BNIP2: variants seen among roughly 807,000 people sequenced by gnomAD.
BNIP2 encodes BCL2/adenovirus E1B 19 kDa protein-interacting protein 2.
In BNIP2, 36 loss-of-function variants were observed where a neutral mutation model predicts 43.4. The observed-to-expected ratio is 0.83, with a 90% CI of 0.64 to 1.10. BNIP2 has a LOEUF of 1.10. BNIP2 is among the 50% of genes least tolerant of loss of function. The pLI is 0.00. For missense variants in BNIP2, 417 were observed against 374.1 expected (o/e 1.11, Z -0.95); for synonymous variants, 146 against 121.0 (o/e 1.21, Z -1.35).
intron 7 of BNIP2, 141 bp from the exon 8 acceptor site, chr15:59,669,503 GAAAATGCACTCTT>G: frequency 1.8e-6 from 1 of 541,692 alleles, no homozygotes; most frequent in East Asian, 3.3e-5. Flanking sequence ...CTGTAGACAA[GAAAATGCACTCTT>G]AAATTCTTAT....
At chr15:59,669,904 C>A (rs1161848150) in intron 7 of BNIP2, among the ~76,000 whole-genome samples, 2 of 152,188 alleles carry the variant, frequency 1.3e-5, no homozygotes, top group African/African-American at 2.4e-5. Flanking sequence ...TTGTATTATG[C>A]ATATTTCACA....
chr15:59,678,376 A>T, intron 4 of BNIP2: 2 of 1,122,350 alleles, frequency 1.8e-6, no homozygotes, highest in South Asian at 4.8e-5. Flanking sequence ...AGAGTCATCA[A>T]AATCTTAGTA....
intron 7 of BNIP2, among the ~76,000 whole-genome samples, 171 bp downstream of exon 7, chr15:59,671,012 G>A (rs1892865591): frequency 6.6e-6 from 1 of 151,436 alleles, no homozygotes; most frequent in African/African-American, 2.4e-5. Flanking sequence ...GGTGGAGGTT[G>A]CGGTGAACCG....
Position 59,689,187 on chromosome 15 carries a change from G to A in BNIP2, c.-110C>T, listed in dbSNP as rs1894221503. On this transcript the variant is annotated 5_prime_UTR_variant, in exon 1 of 10. In the 5' UTR this introduces an upstream ATG that the reference lacks. Coordinates refer to ENST00000607373, the MANE Select transcript of BNIP2 (RefSeq NM_004330.4). Reference sequence around the variant, plus strand: ...CTCTTCGCCCCTCCAGGCCGGCGACGTGGGGCTGACGGCCAGGTCGCAAAA... The same window carrying A: ...CTCTTCGCCCCTCCAGGCCGGCGACATGGGGCTGACGGCCAGGTCGCAAAA... 2.6e-6 allele frequency: 4 copies of A among 1,539,220 alleles called. No homozygotes were observed. Among genetic ancestry groups the A allele is most frequent in the African/African-American group, 1.4e-5 (1 of 73,084 alleles).
intron 9 of BNIP2, 118 bp downstream of exon 9, chr15:59,668,770 ACACG>A (rs1271875876): frequency 1.2e-5 from 10 of 808,964 alleles, no homozygotes; most frequent in African/African-American, 5.3e-5. Flanking sequence ...ACACACACAC[ACACG>A]CGCGCGCGCG....
chr15:59,688,846 G>C (rs1345023272), intron 1 of BNIP2: 2 of 1,526,998 alleles, frequency 1.3e-6, no homozygotes, highest in Non-Finnish European at 1.7e-6. Context: ...GAGCGGAGGA[G>C]GGGCAAGGTT....
At chr15:59,666,471 A>T (rs1195827093) in intron 9 of BNIP2, among the ~76,000 whole-genome samples, 1 of 152,146 alleles carries the variant, frequency 6.6e-6, no homozygotes, top group Non-Finnish European at 1.5e-5. Flanking sequence ...GTTCGAGACC[A>T]TCCTGGCCAA....
chr15:59,679,942 T>C (rs1201920047), intron 3 of BNIP2, among the ~76,000 whole-genome samples, 174 bp from the exon 4 acceptor site: 3 of 152,206 alleles, frequency 2.0e-5, no homozygotes, highest in African/African-American at 7.2e-5. Context: ...TCTACATCGT[T>C]GGCAAGAGAT....
chr15:59,676,806 T>G (rs774824661), intron 5 of BNIP2: 27 of 1,528,934 alleles, frequency 1.8e-5, no homozygotes, highest in Non-Finnish European at 2.4e-5. Context: ...CGCCTGGCCC[T>G]GCAGCGCCGC....
chr15:59,683,658 A>C (rs981420181), intron 1 of BNIP2, among the ~76,000 whole-genome samples: 1 of 152,162 alleles, frequency 6.6e-6, no homozygotes, highest in African/African-American at 2.4e-5. Context: ...CTCTACTAAA[A>C]ATACAAAAAC....
intron 4 of BNIP2, 187 bp from the exon 5 acceptor site, chr15:59,678,274 A>G: frequency 7.6e-7 from 1 of 1,319,324 alleles, no homozygotes. Flanking sequence ...GTCTTTGGAA[A>G]TCATGGTTCT....
At chr15:59,688,232 A>G (rs1894143918) in intron 1 of BNIP2, among the ~76,000 whole-genome samples, 1 of 152,212 alleles carries the variant, frequency 6.6e-6, no homozygotes, top group Admixed American at 6.5e-5. Flanking sequence ...GGGTAACTTA[A>G]TTGGGTAAGG....
rs565966177 is a variant in BNIP2 at position 59,689,134 on chromosome 15, C to T, written c.-58+1G>A. 1.3e-6 allele frequency: 2 copies of T among 1,536,356 alleles called. No individual in the cohort carries two copies. Among genetic ancestry groups the T allele is most frequent in the Non-Finnish European group, 1.7e-6 (2 of 1,146,228 alleles). ...GCCGAGTTCTCCCAGGCCGCACTCA[C>T]CCCGGAGGAAGCCTTGGCCCCCTCG... is the stretch of plus-strand genomic sequence containing the variant. On this transcript the variant is annotated splice_donor_variant, in intron 1 of 9. Transcript: ENST00000607373. LOFTEE classifies it low-confidence loss of function (5UTR_SPLICE).
chr15:59,682,354 A>C, intron 2 of BNIP2, 54 bp downstream of exon 2: 2 of 1,516,982 alleles, frequency 1.3e-6, no homozygotes, highest in Non-Finnish European at 1.8e-6. Flanking sequence ...CATCTCGATA[A>C]AGAAATTTTG....
chr15:59,661,241 A>G lies in BNIP2; in HGVS notation c.*2828T>C, dbSNP rs1415623494. On this transcript the variant is annotated 3_prime_UTR_variant, in exon 10 of 10. Coordinates refer to ENST00000607373, the MANE Select transcript of BNIP2 (RefSeq NM_004330.4). The stretch of plus-strand genomic sequence containing the variant: ...GCTACTCAGGAGGCTGAGGCAGGAG[A>G]AATGCTTGAACCCGGGAGGCAGAGG... 1 of 151,370 alleles carries G rather than the reference A, an allele frequency of 6.6e-6. No individual in the cohort carries two copies. Among genetic ancestry groups the G allele is most frequent in the Non-Finnish European group, 1.5e-5 (1 of 68,044 alleles). 9.4% of individuals were successfully genotyped at this position (151,370 alleles called of 1,614,324 possible).
At position 59,664,072 on chromosome 15, in the gene BNIP2, C is replaced by T. The variant is rs772846170; in HGVS notation, c.942G>A (p.Gln314=). The part of the protein sequence containing the change: ...NGKQDEPKNE[Q] ...TTGTTTGGACTAGATGCCAAACTTA[C>T]TGTTCATTTTTCGGTTCATCTTGTT... Residue 314 remains glutamine, a synonymous_variant, in exon 10 of 10, where the codon CAG becomes CAA. Transcript: ENST00000607373. 22 of 1,548,342 alleles carry T rather than the reference C, an allele frequency of 1.4e-5. No individual in the cohort carries two copies. The South Asian group carries it at 2.5e-4, about 18-fold the overall frequency.
chr15:59,680,686 C>A (rs757506894), intron 2 of BNIP2, among the ~76,000 whole-genome samples: 1 of 152,210 alleles, frequency 6.6e-6, no homozygotes, highest in Non-Finnish European at 1.5e-5. Context: ...CAGGCATGAG[C>A]CACTGTGCCC....
chr15:59,686,947 G>A (rs1254700058), intron 1 of BNIP2, among the ~76,000 whole-genome samples: 5 of 152,198 alleles, frequency 3.3e-5, no homozygotes, highest in African/African-American at 1.2e-4. Flanking sequence ...AACCTGGGAG[G>A]CAGAGGTTGC....
rs968504470 is a variant in BNIP2 at position 59,660,712 on chromosome 15, C to T, written c.*3357G>A. ...TATATGCTTGCCAATCAGCATATTT[C>T]AGTATTCAGTGCACTTACTAGTGAT... On this transcript the variant is annotated 3_prime_UTR_variant, in exon 10 of 10. Coordinates refer to ENST00000607373, the MANE Select transcript of BNIP2 (RefSeq NM_004330.4). The T allele has an allele frequency of 1.3e-5, 2 of 152,110 alleles. No homozygotes were observed. Among genetic ancestry groups the T allele is most frequent in the African/African-American group, 4.8e-5 (2 of 41,406 alleles). 9.4% of individuals were successfully genotyped at this position (152,110 alleles called of 1,614,324 possible). A position where few individuals can be genotyped will look rare whatever the true frequency, so the allele number is the denominator to read the frequency against.
Sources: allele counts gnomAD v4.1 joint callset (sites outside exome capture counted in the v4.1 genomes callset), GRCh38; gene constraint gnomAD v4.1.1; transcripts MANE v1.5; gene names NCBI Gene and HGNC (gene_info 2026-07-23, HGNC 2026-07-21).